HPS1: variants seen among roughly 807,000 people sequenced by gnomAD.
HPS1 encodes BLOC-3 complex member HPS1.
Under a neutral mutation model 90.6 loss-of-function variants are expected in HPS1, and 59 were observed. The observed-to-expected ratio is 0.65, with a 90% CI of 0.53 to 0.81. HPS1 has a LOEUF of 0.81. HPS1 is among the 30% of genes least tolerant of loss of function. The pLI, the probability that HPS1 is intolerant of heterozygous loss-of-function variation, is 0.00. For synonymous variants in HPS1, 388 were observed against 384.4 expected (o/e 1.01, Z -0.11); for missense variants, 849 against 896.7 (o/e 0.95, Z 0.68).
intron 3 of HPS1, among the ~76,000 whole-genome samples, chr10:98,439,962 A>C (rs1413695421): frequency 2.0e-5 from 3 of 152,150 alleles, no homozygotes. Context: ...GTTTTATAAG[A>C]GGCTCTTTCC....
At chr10:98,434,962 T>C (rs1396390731) in intron 5 of HPS1, 3 of 413,596 alleles carry the variant, frequency 7.3e-6, no homozygotes, top group African/African-American at 6.1e-5. Flanking sequence ...TGACGGGTGA[T>C]GATGTTGGGA....
chr10:98,424,015 C>A, intron 14 of HPS1, 128 bp from the exon 15 acceptor site: 2 of 1,310,890 alleles, frequency 1.5e-6, no homozygotes, highest in East Asian at 2.4e-5. Flanking sequence ...GTGGACCACC[C>A]CACTCTTGTA....
chr10:98,426,167 C>T, intron 11 of HPS1, 182 bp from the exon 12 acceptor site: 1 of 606,404 alleles, frequency 1.6e-6, no homozygotes, highest in Non-Finnish European at 2.9e-6. Context: ...CCCTCTCCCT[C>T]AGCTGCTCCT....
intron 10 of HPS1, 145 bp downstream of exon 10, chr10:98,429,428 A>T: frequency 1.9e-6 from 3 of 1,550,432 alleles, no homozygotes; most frequent in Admixed American, 3.9e-5. Flanking sequence ...GGAGCCGCAG[A>T]CAGCGTCCTG....
chr10:98,415,139 T>G (rs765926483), downstream of HPS1: 1 of 1,612,312 alleles, frequency 6.2e-7, no homozygotes, highest in East Asian at 2.2e-5. Context: ...CAGCCATTTC[T>G]GCCCCAGGCT....
chr10:98,443,307 C>T lies in HPS1; in HGVS notation c.1-67G>A, dbSNP rs1027465665. 3.5e-5 allele frequency: 40 copies of T among 1,143,424 alleles called. No homozygotes were observed. The African/African-American group carries it at 4.4e-4, about 13-fold the overall frequency. 70.8% of individuals were successfully genotyped at this position (1,143,424 alleles called of 1,614,324 possible). ...ACATCTATGAGCTCAGTCTGAGTAA[C>T]GAAGAGGACCCCAACCTCAGCAAAC... On this transcript the variant is annotated intron_variant, in intron 2 of 19. Transcript: ENST00000361490.
intron 17 of HPS1, among the ~76,000 whole-genome samples, chr10:98,421,835 C>T (rs1303989825): frequency 2.0e-5 from 3 of 152,166 alleles, no homozygotes; most frequent in Non-Finnish European, 4.4e-5. Context: ...AAGTACTGCC[C>T]AAAGCCACAT....
At chr10:98,438,077 C>T (rs2136281100) in intron 3 of HPS1, among the ~76,000 whole-genome samples, 1 of 152,332 alleles carries the variant, frequency 6.6e-6, no homozygotes, top group East Asian at 1.9e-4. Context: ...TGTAAGTTTC[C>T]TGAGTTCTCC....
At chr10:98,421,695 T>C (rs563355969) in intron 17 of HPS1, among the ~76,000 whole-genome samples, 106 of 152,340 alleles carry the variant, frequency 7.0e-4, no homozygotes, top group African/African-American at 2.5e-3. Context: ...CTGAATGAAC[T>C]GTATCTGTAT....
intron 11 of HPS1, 44 bp downstream of exon 11, chr10:98,427,171 A>G (rs780248786): frequency 6.6e-7 from 1 of 1,504,992 alleles, no homozygotes; most frequent in Non-Finnish European, 9.1e-7. Flanking sequence ...TCACTGCGGC[A>G]TCTCAGATCA....
At position 98,417,580 on chromosome 10, in the gene HPS1, C is replaced by T. The variant is rs759163020; in HGVS notation, c.2087G>A (p.Arg696His). 2.3e-5 allele frequency: 37 copies of T among 1,610,946 alleles called. 1 individual carries two copies. In the South Asian group the frequency reaches 2.8e-4, roughly 12 times the overall value. The change falls in exon 20 of 20, where the codon CGT becomes CAT. Residue 696 changes from arginine (R) to histidine (H), a missense_variant. Physicochemically the swap from Arg to His is conservative, Grantham distance 29. Transcript: ENST00000361490. This position sits in a 1 kb window ranked among gnomAD's most constrained non-coding sequence, Gnocchi z 4.2. ...CACCTTGGCCTAGAGCAGGGGGATACGGGAGGCCTCCCAGAGGCGCCGGGC... is the reference window on the plus strand; with the variant it reads ...CACCTTGGCCTAGAGCAGGGGGATATGGGAGGCCTCCCAGAGGCGCCGGGC... ...QLARRLWEAS[R>H]IPLL
chr10:98,415,897 C>T (rs3750605), downstream of HPS1, among the ~76,000 whole-genome samples: 41,232 of 152,194 alleles, frequency 0.27, 5,844 homozygotes, highest in South Asian at 0.39. Context: ...CCCAAGGATT[C>T]GAGGTCACAT....
chr10:98,425,780 C>T lies in HPS1; in HGVS notation c.1155+38G>A, dbSNP rs188944588. The T allele has an allele frequency of 1.1e-4, 179 of 1,605,458 alleles. 1 individual carries two copies. Among genetic ancestry groups the T allele is most frequent in the Middle Eastern group, 8.3e-4 (5 of 6,020 alleles). ...CTGCCCCTGGGGAAGACGTGCCAACCCTAAGCATCATCAGGGCAGGGTGAG... is the reference window on the plus strand; with the variant it reads ...CTGCCCCTGGGGAAGACGTGCCAACTCTAAGCATCATCAGGGCAGGGTGAG... On this transcript the variant is annotated intron_variant, in intron 12 of 19. Transcript: ENST00000361490.
At chr10:98,419,121 G>A (rs1258241420) in intron 18 of HPS1, among the ~76,000 whole-genome samples, 4 of 151,936 alleles carry the variant, frequency 2.6e-5, no homozygotes, top group African/African-American at 9.7e-5. Context: ...TTACAGGGCT[G>A]TGAGGGGGTA....
downstream of HPS1, chr10:98,415,177 G>A (rs369767352): frequency 6.2e-6 from 10 of 1,601,522 alleles, no homozygotes; most frequent in African/African-American, 2.7e-5. Context: ...GAGTTTGCTA[G>A]CGATTGGCTT....
At chr10:98,416,044 T>G (rs371638031), downstream of HPS1, among the ~76,000 whole-genome samples, 2 of 152,188 alleles carry the variant, frequency 1.3e-5, no homozygotes, top group Non-Finnish European at 2.9e-5. Flanking sequence ...GGAGAGTTCC[T>G]GCACTGCTCT....
chr10:98,444,666 G>A (rs1939149948), intron 2 of HPS1, among the ~76,000 whole-genome samples: 2 of 152,242 alleles, frequency 1.3e-5, no homozygotes, highest in African/African-American at 4.8e-5. Context: ...CCAGCTTAGT[G>A]GTCCTTACTG....
Position 98,435,061 on chromosome 10 carries a change from G to C in HPS1, c.398+211C>G. On this transcript the variant is annotated intron_variant, in intron 5 of 19. Transcript: ENST00000361490. This position sits in a 1 kb window ranked among gnomAD's most constrained non-coding sequence, Gnocchi z 4.3. ...ACCAGCTAGATGACCCCAGGCAAGTGAGTTCCATTCTCTGCTCTGTTTCAC... is the reference window on the plus strand; with the variant it reads ...ACCAGCTAGATGACCCCAGGCAAGTCAGTTCCATTCTCTGCTCTGTTTCAC... The C allele has an allele frequency of 1.7e-6, 1 of 601,824 alleles. No homozygotes were observed. Among genetic ancestry groups the C allele is most frequent in the Non-Finnish European group, 2.9e-6 (1 of 341,238 alleles). The allele number at this position is 601,824 out of a possible 1,614,324, so 37.3% of individuals were successfully genotyped here.
chr10:98,426,011 A>G, intron 11 of HPS1, 26 bp from the exon 12 acceptor site: 1 of 1,611,236 alleles, frequency 6.2e-7, no homozygotes, highest in Non-Finnish European at 8.5e-7. Flanking sequence ...AGCTGCAGTG[A>G]GAGGTGGGAT....
Sources: gnomAD v4.1 joint callset for allele counts (sites outside exome capture counted in the v4.1 genomes callset) on GRCh38, gnomAD v4.1.1 for gene constraint, Gnocchi (gnomAD v3.1) non-coding constraint, MANE v1.5 for transcripts, NCBI Gene and HGNC (gene_info 2026-07-23, HGNC 2026-07-21) for gene names.